Variants in DCLK1 observed in about 807,000 individuals in gnomAD.
DCLK1 encodes serine/threonine-protein kinase DCLK1.
DCLK1 carries 16 observed loss-of-function variants against 86.2 expected under a neutral mutation model. The ratio of observed to expected loss-of-function variants is 0.19; its 90% CI spans 0.13 to 0.28. DCLK1 has a LOEUF of 0.28. DCLK1 is among the 10% of genes least tolerant of loss of function. The pLI is 1.00. For missense variants in DCLK1, 590 were observed against 940.2 expected, an observed-to-expected ratio of 0.63 and a Z score of 4.87; for synonymous variants, 369 against 370.5, an observed-to-expected ratio of 1.00 and a Z score of 0.05.
intron 7 of DCLK1, among the ~76,000 whole-genome samples, chr13:35,837,005 C>T (rs1036039635): frequency 5.3e-5 from 8 of 152,186 alleles, no homozygotes; most frequent in Non-Finnish European, 1.0e-4. Context: ...TAAATCCCAG[C>T]TCTCCCTCAG....
intron 5 of DCLK1, among the ~76,000 whole-genome samples, chr13:35,858,262 T>C (rs541834033): frequency 1.3e-5 from 2 of 151,816 alleles, no homozygotes; most frequent in East Asian, 3.9e-4. Context: ...ATGTAAGAGG[T>C]AAAAACTATA....
chr13:35,806,490 AG>A (rs1377165135), intron 14 of DCLK1, among the ~76,000 whole-genome samples: 1 of 152,234 alleles, frequency 6.6e-6, no homozygotes, highest in Non-Finnish European at 1.5e-5. Context: ...CTTAACGATG[AG>A]TATGCTATAC....
rs371446524 is a variant in DCLK1 at position 36,052,172 on chromosome 13, C to T, written c.723+59697G>A. Among the ~76,000 whole-genome samples the T allele has an allele frequency of 2.6e-5, 4 of 152,296 alleles. No individual in the cohort carries two copies. The South Asian group carries it at 6.2e-4, about 24-fold the overall frequency. Reference sequence around the variant, plus strand: ...CTTATATCTCATCACGGAACTTGCTCTCATCACTGAGCTTATATGGTGCAA... The same window carrying T: ...CTTATATCTCATCACGGAACTTGCTTTCATCACTGAGCTTATATGGTGCAA... On this transcript the variant is annotated intron_variant, in intron 3 of 16. Transcript: ENST00000360631.
chr13:35,774,263 C>T lies in DCLK1; in HGVS notation c.*272G>A, dbSNP rs1297413951. The T allele has an allele frequency of 1.6e-5, 6 of 375,650 alleles. No homozygotes were observed. The East Asian group carries it at 1.9e-4, about 12-fold the overall frequency. The allele number at this position is 375,650 out of a possible 1,614,324, so 23.3% of individuals were successfully genotyped here. ...CAGATCCTAGCTTGACTGATGAAAACATTCATTGCTTCTAAGTTTAAAAAA... is the reference window on the plus strand; with the variant it reads ...CAGATCCTAGCTTGACTGATGAAAATATTCATTGCTTCTAAGTTTAAAAAA... On this transcript the variant is annotated 3_prime_UTR_variant, in exon 17 of 17. Coordinates refer to ENST00000360631, the MANE Select transcript of DCLK1 (RefSeq NM_001330071.2).
chr13:35,797,358 G>A (rs1461722246), intron 15 of DCLK1, among the ~76,000 whole-genome samples: 1 of 152,126 alleles, frequency 6.6e-6, no homozygotes, highest in Non-Finnish European at 1.5e-5. Flanking sequence ...CTTGAGCTAG[G>A]AGTTTGCTCT....
Position 35,869,280 on chromosome 13 carries a change from C to T in DCLK1, c.940+1944G>A, listed in dbSNP as rs184870592. Among the ~76,000 whole-genome samples, 48 of 152,328 alleles carry T rather than the reference C, an allele frequency of 3.2e-4. No individual in the cohort carries two copies. The East Asian group carries it at 8.7e-3, about 28-fold the overall frequency. ...TCTTCTCTGTGTGTGGGTGGTATCT[C>T]CCTTGAAGGGAGAGACTTTCCCTGA... On this transcript the variant is annotated intron_variant, in intron 5 of 16. Transcript: ENST00000360631.
At chr13:36,129,791 G>A (rs1326848313) in intron 1 of DCLK1, among the ~76,000 whole-genome samples, 1 of 152,106 alleles carries the variant, frequency 6.6e-6, no homozygotes, top group East Asian at 1.9e-4. Context: ...CTGGAGGTAA[G>A]AAGGGCCACT....
intron 3 of DCLK1, among the ~76,000 whole-genome samples, chr13:36,097,367 C>T (rs1000283806): frequency 1.3e-5 from 2 of 151,972 alleles, no homozygotes; most frequent in East Asian, 1.9e-4. Context: ...TTTTGTAGTA[C>T]GAAAATTATA....
rs543031214 is a variant in DCLK1 at position 36,051,179 on chromosome 13, A to T, written c.723+60690T>A. ...AAGATAAAAGCACCATAATCAAAAC[A>T]TTTTTCTGATCTCCCCTTCTTAGAC... On this transcript the variant is annotated intron_variant, in intron 3 of 16. Coordinates refer to ENST00000360631, the MANE Select transcript of DCLK1 (RefSeq NM_001330071.2). Among the ~76,000 whole-genome samples the T allele has an allele frequency of 8.5e-5, 13 of 152,116 alleles. No individual in the cohort carries two copies. The South Asian group carries it at 2.7e-3, about 32-fold the overall frequency.
intron 3 of DCLK1, among the ~76,000 whole-genome samples, chr13:35,968,762 T>C (rs1211271893): frequency 6.6e-6 from 1 of 151,606 alleles, no homozygotes; most frequent in Non-Finnish European, 1.5e-5. Context: ...GCTTACTTTC[T>C]AAGAGAAAAA....
At chr13:35,907,946 G>A (rs1014415849) in intron 4 of DCLK1, among the ~76,000 whole-genome samples, 1 of 151,056 alleles carries the variant, frequency 6.6e-6, no homozygotes, top group Non-Finnish European at 1.5e-5. Context: ...TTATCTTTAA[G>A]TTTAAAAATA....
At chr13:36,054,959 T>C (rs568561758) in intron 3 of DCLK1, among the ~76,000 whole-genome samples, 1 of 152,270 alleles carries the variant, frequency 6.6e-6, no homozygotes, top group East Asian at 1.9e-4. Flanking sequence ...CACTATGCGT[T>C]CTGTATATAC....
intron 3 of DCLK1, among the ~76,000 whole-genome samples, chr13:36,086,168 C>A (rs1028479562): frequency 1.3e-5 from 2 of 152,192 alleles, no homozygotes. Context: ...TCACTGTTTA[C>A]CCATCTGACA....
At chr13:36,054,973 T>A (rs1156686397) in intron 3 of DCLK1, among the ~76,000 whole-genome samples, 1 of 152,098 alleles carries the variant, frequency 6.6e-6, no homozygotes, top group Non-Finnish European at 1.5e-5. Flanking sequence ...TATATACTCA[T>A]CTCTAAGGGG....
At chr13:36,015,003 TTTCTC>T (rs1176888749) in intron 3 of DCLK1, among the ~76,000 whole-genome samples, 15 of 25,848 alleles carry the variant, frequency 5.8e-4, no homozygotes, top group South Asian at 3.9e-3. Flanking sequence ...TCTCTCTCTC[TTTCTC>T]TCTCTCTCTC....
chr13:36,032,623 C>T (rs975647748), intron 3 of DCLK1, among the ~76,000 whole-genome samples: 1 of 152,100 alleles, frequency 6.6e-6, no homozygotes, highest in African/African-American at 2.4e-5. Flanking sequence ...CTGATTTGGC[C>T]TTTTTATGTT....
chr13:35,809,781 G>A (rs745954034), intron 12 of DCLK1, among the ~76,000 whole-genome samples: 7 of 152,178 alleles, frequency 4.6e-5, no homozygotes, highest in Non-Finnish European at 8.8e-5. Context: ...AATTTGCCAA[G>A]TAGCAAAGTC....
At chr13:35,829,947 G>A (rs1295619281) in intron 8 of DCLK1, among the ~76,000 whole-genome samples, 1 of 152,212 alleles carries the variant, frequency 6.6e-6, no homozygotes, top group Non-Finnish European at 1.5e-5. Flanking sequence ...TGGGCAGAGA[G>A]GCCATGATGG....
At chr13:35,999,601 A>T (rs1414087262) in intron 3 of DCLK1, among the ~76,000 whole-genome samples, 1 of 151,874 alleles carries the variant, frequency 6.6e-6, no homozygotes, top group Non-Finnish European at 1.5e-5. Flanking sequence ...AGGGAGACAG[A>T]CTCTTTCTCC....
Sources: allele counts gnomAD v4.1 joint callset (sites outside exome capture counted in the v4.1 genomes callset), GRCh38; gene constraint gnomAD v4.1.1; transcripts MANE v1.5; gene names NCBI Gene and HGNC (gene_info 2026-07-23, HGNC 2026-07-21).